Variants in ELL2 observed in about 807,000 individuals in gnomAD.
ELL2 encodes RNA polymerase II elongation factor ELL2.
In ELL2, 21 loss-of-function variants were observed where a neutral mutation model predicts 72.8. The observed-to-expected ratio is 0.29, with a 90% confidence interval of 0.20 to 0.42. ELL2 has a LOEUF of 0.42. Among genes scored for constraint, ELL2 ranks in the 10% least tolerant of loss-of-function variants. The pLI, the probability that ELL2 is intolerant of heterozygous loss-of-function variation, is 1.00. For synonymous variants in ELL2, 266 were observed against 283.2 expected, an observed-to-expected ratio of 0.94 and a Z score of 0.61; for missense variants, 568 against 772.8, an observed-to-expected ratio of 0.73 and a Z score of 3.14.
At chr5:95,894,502 G>A (rs1748793639) in intron 9 of ELL2, among the ~76,000 whole-genome samples, 1 of 152,212 alleles carries the variant, frequency 6.6e-6, no homozygotes, top group African/African-American at 2.4e-5. Context: ...CAGCAGCAGA[G>A]CCAGAGGCTG....
chr5:95,947,820 C>CA (rs1443124202), intron 1 of ELL2, among the ~76,000 whole-genome samples: 1 of 151,286 alleles, frequency 6.6e-6, no homozygotes, highest in African/African-American at 2.4e-5. Flanking sequence ...TTATAATTTC[C>CA]AAAAAAACTA....
chr5:95,960,036 C>T (rs1404247518), intron 1 of ELL2, among the ~76,000 whole-genome samples: 3 of 152,082 alleles, frequency 2.0e-5, no homozygotes, highest in Admixed American at 6.6e-5. Context: ...CCTCTCCTGC[C>T]GCTCTGCCTC....
intron 1 of ELL2, 71 bp from the exon 2 acceptor site, chr5:95,943,120 T>C (rs1280960567): frequency 7.4e-7 from 1 of 1,355,558 alleles, no homozygotes; most frequent in African/African-American, 1.5e-5. Flanking sequence ...ATGTTTAAAC[T>C]TTAAATCTAT....
At chr5:95,912,093 T>C (rs1170647557) in intron 4 of ELL2, among the ~76,000 whole-genome samples, 1 of 152,246 alleles carries the variant, frequency 6.6e-6, no homozygotes, top group Admixed American at 6.5e-5. Flanking sequence ...TAAGAAACCT[T>C]GCAAGTTCTA....
At chr5:95,908,897 G>A (rs1246877879) in intron 4 of ELL2, among the ~76,000 whole-genome samples, 2 of 152,178 alleles carry the variant, frequency 1.3e-5, no homozygotes, top group Non-Finnish European at 2.9e-5. Flanking sequence ...GAAGGGGGAT[G>A]GGCAGAGAAT....
chr5:95,959,501 C>T (rs534754367), intron 1 of ELL2, among the ~76,000 whole-genome samples: 3 of 152,314 alleles, frequency 2.0e-5, no homozygotes, highest in South Asian at 4.1e-4. Flanking sequence ...GAGTTTCTCT[C>T]CAGAGTTTCT....
intron 7 of ELL2, chr5:95,900,360 C>T (rs1164218594): frequency 2.2e-5 from 4 of 178,682 alleles, no homozygotes; most frequent in African/African-American, 9.4e-5. Flanking sequence ...CTTCAATTTT[C>T]CATATAATCT....
chr5:95,893,718 GTT>G, intron 9 of ELL2, among the ~76,000 whole-genome samples: 1 of 152,072 alleles, frequency 6.6e-6, no homozygotes, highest in Admixed American at 6.6e-5. Context: ...TATCCCTTTA[GTT>G]TTCTTATGAG....
chr5:95,918,166 G>A (rs1179883953), intron 3 of ELL2, among the ~76,000 whole-genome samples: 1 of 152,258 alleles, frequency 6.6e-6, no homozygotes, highest in Admixed American at 6.5e-5. Flanking sequence ...CATTTTGCAA[G>A]AGTGAAAATG....
Position 95,961,705 on chromosome 5 carries a change from G to T in ELL2, c.17C>A (p.Thr6Lys), listed in dbSNP as rs1226446256. 2 of 1,604,378 alleles carry T rather than the reference G, an allele frequency of 1.2e-6. No individual in the cohort carries two copies. The highest frequency in any genetic ancestry group is 2.7e-5 in the African/African-American group (2 of 73,694). MAAGG[T>K]GGLREEQRYG... ...GCGCTGCTCCTCCCGCAGGCCCCCT[G>T]TCCCCCCCGCCGCCATCTTAAACTC... is the stretch of plus-strand genomic sequence containing the variant. Residue 6 changes from threonine (T) to lysine (K), a missense_variant, in exon 1 of 12, where the codon ACA becomes AAA. Thr to Lys is a moderately conservative substitution (Grantham distance 78). This residue lies in a region of ELL2 where 57 missense variants were observed against 44.4 expected (regional missense o/e 1.28). Transcript: ENST00000237853.
chr5:95,919,618 C>G, intron 2 of ELL2, 73 bp from the exon 3 acceptor site: 1 of 1,467,398 alleles, frequency 6.8e-7, no homozygotes, highest in Non-Finnish European at 9.0e-7. Context: ...GACTGACTTA[C>G]TGGTTTTTCT....
rs1486063130 is a variant in ELL2, at chr5:95,887,748, T to C, written c.*1123A>G. 2 of 152,564 alleles carry C rather than the reference T, an allele frequency of 1.3e-5. No individual in the cohort carries two copies. Among genetic ancestry groups the C allele is most frequent in the Non-Finnish European group, 1.5e-5 (1 of 68,022 alleles). 9.5% of individuals were successfully genotyped at this position (152,564 alleles called of 1,614,324 possible). ...GGATGAAAAAAAAAATCTTTAAATA[T>C]ACCTCTTATGTAGGTAATAGCTTCT... On this transcript the variant is annotated 3_prime_UTR_variant, in exon 12 of 12. Transcript: ENST00000237853.
Position 95,929,967 on chromosome 5 carries a change from T to A in ELL2, c.196-10422A>T, listed in dbSNP as rs182283857. ...TATACATTTTTCTTTCTAAAAAGTA[T>A]CTTCGTCTTTATTAAAACACTCGCC... On this transcript the variant is annotated intron_variant, in intron 2 of 11. Transcript: ENST00000237853. Among the ~76,000 whole-genome samples, 6 of 152,292 alleles carry A rather than the reference T, an allele frequency of 3.9e-5. No homozygotes were observed. The East Asian group carries it at 9.6e-4, about 24-fold the overall frequency.
intron 9 of ELL2, among the ~76,000 whole-genome samples, chr5:95,892,306 C>T (rs947143530): frequency 7.2e-5 from 11 of 152,072 alleles, no homozygotes; most frequent in African/African-American, 2.7e-4. Flanking sequence ...GCCACCATGC[C>T]CGGCTAATTT....
chr5:95,938,991 A>G (rs1750876606), intron 2 of ELL2, among the ~76,000 whole-genome samples: 1 of 152,220 alleles, frequency 6.6e-6, no homozygotes. Context: ...ACCACATGCC[A>G]GCAGATATGG....
chr5:95,896,213 A>C (rs1413603641), intron 8 of ELL2, among the ~76,000 whole-genome samples: 1 of 152,212 alleles, frequency 6.6e-6, no homozygotes, highest in East Asian at 1.9e-4. Flanking sequence ...AAAGTAATTT[A>C]AAATAAGGTA....
intron 1 of ELL2, among the ~76,000 whole-genome samples, chr5:95,957,322 T>C (rs545006584): frequency 5.5e-4 from 84 of 152,356 alleles, no homozygotes; most frequent in African/African-American, 1.9e-3. Flanking sequence ...GGGGGAAATA[T>C]GTAATTACAG....
chr5:95,958,216 T>C (rs1395304524), intron 1 of ELL2, among the ~76,000 whole-genome samples: 3 of 152,208 alleles, frequency 2.0e-5, no homozygotes, highest in African/African-American at 4.8e-5. Context: ...TAGAAACCTC[T>C]TCCCAATTAG....
At chr5:95,903,685 T>C (rs922877814) in intron 5 of ELL2, among the ~76,000 whole-genome samples, 1 of 152,200 alleles carries the variant, frequency 6.6e-6, no homozygotes, top group Admixed American at 6.5e-5. Flanking sequence ...CCAATATATA[T>C]GCTGCTAATT....
Sources: allele counts gnomAD v4.1 joint callset (sites outside exome capture counted in the v4.1 genomes callset), GRCh38; gene constraint gnomAD v4.1.1; regional missense constraint gnomAD v4.1.1; transcripts MANE v1.5; gene names NCBI Gene and HGNC (gene_info 2026-07-23, HGNC 2026-07-21).